ZNF670: variants seen among roughly 807,000 people sequenced by gnomAD.
ZNF670 encodes the protein zinc finger protein 670.
ZNF670 carries 7 observed loss-of-function variants against 10.9 expected under a neutral mutation model. That is an observed-to-expected ratio of 0.64 (90% CI 0.36 to 1.20). ZNF670 has a LOEUF of 1.20. Ranked by LOEUF, ZNF670 falls within the 50% of genes most tolerant of loss-of-function variation. The pLI is 0.02. For missense variants in ZNF670, 446 were observed against 458.6 expected (o/e 0.97, Z 0.25); for synonymous variants, 136 against 152.7 (o/e 0.89, Z 0.81).
chr1:247,051,050 T>C (rs1670581458), intron 1 of ZNF670, among the ~76,000 whole-genome samples: 2 of 151,918 alleles, frequency 1.3e-5, no homozygotes, highest in Admixed American at 1.3e-4. Flanking sequence ...GGCTCACACC[T>C]GTAATCCCAG....
intron 1 of ZNF670, among the ~76,000 whole-genome samples, chr1:247,068,829 C>CAAAAAAAAA (rs35582452): frequency 4.7e-5 from 4 of 85,604 alleles, no homozygotes; most frequent in South Asian, 4.1e-4. Flanking sequence ...ACTATTTTGC[C>CAAAAAAAAA]AAAAAAAAAA....
intron 1 of ZNF670, among the ~76,000 whole-genome samples, chr1:247,075,177 T>C (rs1010762039): frequency 6.6e-6 from 1 of 152,206 alleles, no homozygotes; most frequent in Non-Finnish European, 1.5e-5. Context: ...ATGTCATTTA[T>C]TTATTATTTC....
chr1:247,038,556 A>C, intron 3 of ZNF670, 129 bp from the exon 4 acceptor site: 1 of 934,148 alleles, frequency 1.1e-6, no homozygotes, highest in Non-Finnish European at 1.6e-6. Context: ...TTACTGTAAG[A>C]TATGGGTCCC....
intron 1 of ZNF670, among the ~76,000 whole-genome samples, chr1:247,050,006 T>A (rs1000369684): frequency 6.6e-6 from 1 of 152,254 alleles, no homozygotes; most frequent in South Asian, 2.1e-4. Flanking sequence ...CTGCAATTGT[T>A]GAGTAGAATA....
chr1:247,037,924 T>C lies in ZNF670; in HGVS notation c.695A>G (p.Lys232Arg). ...EKPYACKKCGKSFTFSSSLRQ... is the reference protein window; with the variant it reads ...EKPYACKKCGRSFTFSSSLRQ... ...AAGAGAACTGGAAAAAGTGAATGAT[T>C]TACCACATTTCTTACATGCATAGGG... The change falls in exon 4 of 4, where the codon AAA (lysine) becomes AGA (arginine). Residue 232 changes from lysine (K) to arginine (R), a missense_variant. Physicochemically the swap from Lys to Arg is conservative, Grantham distance 26. Transcript: ENST00000366503. The C allele has an allele frequency of 6.2e-7, 1 of 1,614,060 alleles. No individual in the cohort carries two copies. Among genetic ancestry groups the C allele is most frequent in the South Asian group, 1.1e-5 (1 of 91,032 alleles).
chr1:247,045,967 G>C (rs1429993539), intron 1 of ZNF670, among the ~76,000 whole-genome samples: 1 of 152,180 alleles, frequency 6.6e-6, no homozygotes, highest in Admixed American at 6.5e-5. Flanking sequence ...GCTGCATTGT[G>C]TCCAATGCCC....
intron 1 of ZNF670, among the ~76,000 whole-genome samples, chr1:247,061,420 G>A (rs924938188): frequency 1.3e-4 from 19 of 151,132 alleles, no homozygotes; most frequent in African/African-American, 3.7e-4. Flanking sequence ...TGACCTCCTC[G>A]GCCTCCCAAA....
chr1:247,051,782 A>AT (rs58493948), intron 1 of ZNF670, among the ~76,000 whole-genome samples: 178 of 138,230 alleles, frequency 1.3e-3, no homozygotes, highest in Middle Eastern at 3.7e-3. Context: ...TTCTTTTTTC[A>AT]TTTTTTTTTT....
intron 1 of ZNF670, among the ~76,000 whole-genome samples, chr1:247,075,581 A>T (rs1671232425): frequency 6.6e-6 from 1 of 152,180 alleles, no homozygotes; most frequent in Admixed American, 6.5e-5. Flanking sequence ...TTCTGGTGAT[A>T]GCGAATACGT....
intron 1 of ZNF670, among the ~76,000 whole-genome samples, chr1:247,064,661 A>C (rs1670941647): frequency 6.6e-6 from 1 of 152,200 alleles, no homozygotes; most frequent in Non-Finnish European, 1.5e-5. Context: ...CCTCAGCCTC[A>C]AGGAAGAACG....
intron 1 of ZNF670, among the ~76,000 whole-genome samples, chr1:247,062,181 A>T (rs571453083): frequency 6.6e-6 from 1 of 152,124 alleles, no homozygotes; most frequent in Non-Finnish European, 1.5e-5. Flanking sequence ...TAATTCGCCA[A>T]TTTACGACAC....
At chr1:247,077,741 A>C (rs531684981) in intron 1 of ZNF670, among the ~76,000 whole-genome samples, 1 of 152,366 alleles carries the variant, frequency 6.6e-6, no homozygotes, top group Non-Finnish European at 1.5e-5. Flanking sequence ...CAGAAGAGTT[A>C]GGCTGTGGGA....
At chr1:247,072,981 T>C (rs1311370045) in intron 1 of ZNF670, among the ~76,000 whole-genome samples, 1 of 151,380 alleles carries the variant, frequency 6.6e-6, no homozygotes, top group Non-Finnish European at 1.5e-5. Context: ...TGCTTCATGA[T>C]AGTTAATCTA....
intron 1 of ZNF670, among the ~76,000 whole-genome samples, chr1:247,056,495 C>T (rs900448357): frequency 2.6e-5 from 4 of 152,096 alleles, no homozygotes; most frequent in Non-Finnish European, 5.9e-5. Context: ...ATACAACATA[C>T]CAAAACCTGT....
In ZNF670 at chr1:247,078,808, GAGT is replaced by G; in HGVS notation, c.-215_-213del. Reference sequence around the variant, plus strand: ...CTCCCTCCTTTCGCGGCGCGCTTGAGAGTACAGTCCCCTTCCCAGCGCCCGATT... The same window carrying G: ...CTCCCTCCTTTCGCGGCGCGCTTGAGACAGTCCCCTTCCCAGCGCCCGATT... On this transcript the variant is annotated 5_prime_UTR_variant, in exon 1 of 4. Transcript: ENST00000366503. 1.7e-6 allele frequency: 1 copy of G among 588,962 alleles called. No individual in the cohort carries two copies. The highest frequency in any genetic ancestry group is 2.0e-5 in the South Asian group (1 of 48,958). The allele number at this position is 588,962 out of a possible 1,614,324, so 36.5% of individuals were successfully genotyped here.
intron 1 of ZNF670, among the ~76,000 whole-genome samples, chr1:247,072,343 C>A (rs926186721): frequency 6.8e-6 from 1 of 146,246 alleles, no homozygotes; most frequent in Non-Finnish European, 1.5e-5. Context: ...AAAGTTCAGG[C>A]AGGGTCTCAT....
At chr1:247,046,550 G>A (rs1185226991) in intron 1 of ZNF670, among the ~76,000 whole-genome samples, 1 of 152,200 alleles carries the variant, frequency 6.6e-6, no homozygotes, top group East Asian at 1.9e-4. Context: ...AGTTAAGGAA[G>A]CTTGGTAGCT....
chr1:247,074,531 A>C (rs975291961), intron 1 of ZNF670, among the ~76,000 whole-genome samples: 1 of 152,058 alleles, frequency 6.6e-6, no homozygotes, highest in Non-Finnish European at 1.5e-5. Context: ...CCCTTCTTAC[A>C]TAATTCTGAA....
intron 1 of ZNF670, among the ~76,000 whole-genome samples, chr1:247,069,273 T>G (rs1234629069): frequency 1.3e-5 from 2 of 150,830 alleles, no homozygotes; most frequent in Non-Finnish European, 2.9e-5. Context: ...TATCAAAACA[T>G]CTCATGTAAT....
Sources: allele counts gnomAD v4.1 joint callset (sites outside exome capture counted in the v4.1 genomes callset), GRCh38; gene constraint gnomAD v4.1.1; transcripts MANE v1.5; gene names NCBI Gene and HGNC (gene_info 2026-07-23, HGNC 2026-07-21).